Variants in IPP observed in about 807,000 individuals in gnomAD.
IPP encodes the protein intracisternal A particle-promoted polypeptide.
IPP carries 41 observed loss-of-function variants against 64.1 expected under a neutral mutation model. The observed-to-expected ratio is 0.64, with a 90% CI of 0.50 to 0.83. The LOEUF is 0.83. IPP is among the 40% of genes least tolerant of loss of function. The pLI is 0.00. For missense variants in IPP, 649 were observed against 703.0 expected (o/e 0.92, Z 0.87); for synonymous variants, 214 against 235.2 (o/e 0.91, Z 0.83).
intron 3 of IPP, among the ~76,000 whole-genome samples, chr1:45,735,165 C>T (rs1319946123): frequency 6.6e-6 from 1 of 151,944 alleles, no homozygotes; most frequent in East Asian, 1.9e-4. Flanking sequence ...CTCACTGTAA[C>T]CTCAACCTCC....
intron 8 of IPP, 133 bp from the exon 9 acceptor site, chr1:45,700,323 G>C: frequency 1.5e-6 from 2 of 1,301,896 alleles, no homozygotes; most frequent in Admixed American, 2.9e-5. Context: ...TAAGCATACA[G>C]ATTTTTTTTT....
intron 5 of IPP, among the ~76,000 whole-genome samples, chr1:45,725,169 T>A (rs1570003212): frequency 1.3e-5 from 1 of 79,590 alleles, no homozygotes. Context: ...GGGTGGGGGG[T>A]CAGCCCCCCG....
chr1:45,724,192 C>T (rs980408633), intron 5 of IPP, among the ~76,000 whole-genome samples: 3 of 152,138 alleles, frequency 2.0e-5, no homozygotes, highest in Non-Finnish European at 4.4e-5. Context: ...CTGTGTTGGC[C>T]GGGCTGGTCT....
At chr1:45,694,427 A>T (rs1337714609), downstream of IPP, 1 of 1,480,712 alleles carries the variant, frequency 6.8e-7, no homozygotes, top group African/African-American at 1.4e-5. Flanking sequence ...ATTAAAGATT[A>T]AAAATCCCCT....
intron 2 of IPP, among the ~76,000 whole-genome samples, chr1:45,743,589 G>T (rs994977189): frequency 3.3e-5 from 5 of 151,844 alleles, no homozygotes; most frequent in Non-Finnish European, 7.4e-5. Flanking sequence ...GGTGGTGTGT[G>T]TTGTGGTCCT....
intron 2 of IPP, among the ~76,000 whole-genome samples, chr1:45,745,171 T>C (rs1400733233): frequency 6.6e-6 from 1 of 152,152 alleles, no homozygotes; most frequent in Non-Finnish European, 1.5e-5. Context: ...AGTGCTGGGA[T>C]TACAGGCATG....
At chr1:45,743,562 A>T (rs1156488321) in intron 2 of IPP, among the ~76,000 whole-genome samples, 1 of 152,040 alleles carries the variant, frequency 6.6e-6, no homozygotes, top group Non-Finnish European at 1.5e-5. Context: ...AAAAAAATTT[A>T]AAAATTAGCC....
downstream of IPP, chr1:45,698,707 ATT>A (rs764830893): frequency 2.3e-6 from 2 of 865,348 alleles, no homozygotes; most frequent in African/African-American, 4.6e-5. Context: ...AAAAGGAAGA[ATT>A]TTTTTTTCTT....
downstream of IPP, chr1:45,698,707 A>ATT (rs764830893): frequency 6.9e-6 from 6 of 865,968 alleles, no homozygotes; most frequent in East Asian, 1.5e-4. Context: ...AAAAGGAAGA[A>ATT]TTTTTTTTTC....
At position 45,699,228 on chromosome 1, in the gene IPP, C is replaced by G; in HGVS notation, c.*738G>C. On this transcript the variant is annotated 3_prime_UTR_variant, in exon 9 of 9. Transcript: ENST00000396478. Reference sequence around the variant, plus strand: ...GCTAGATATTTCCCAAACACCCCTCCTAGGATATCTGCTGCCAATAAAAAG... The same window carrying G: ...GCTAGATATTTCCCAAACACCCCTCGTAGGATATCTGCTGCCAATAAAAAG... 1 of 985,212 alleles carries G rather than the reference C, an allele frequency of 1.0e-6. No homozygotes were observed. The highest frequency in any genetic ancestry group is 1.2e-6 in the Non-Finnish European group (1 of 829,786). 61.0% of individuals were successfully genotyped at this position (985,212 alleles called of 1,614,324 possible).
chr1:45,727,231 GTAGAGA>G (rs1645840829), intron 5 of IPP, among the ~76,000 whole-genome samples: 1 of 151,824 alleles, frequency 6.6e-6, no homozygotes, highest in Non-Finnish European at 1.5e-5. Flanking sequence ...AAAATTTTTT[GTAGAGA>G]TAAAGTCTCG....
chr1:45,714,960 G>A (rs1468944972), intron 7 of IPP, among the ~76,000 whole-genome samples: 1 of 150,068 alleles, frequency 6.7e-6, no homozygotes, highest in Non-Finnish European at 1.5e-5. Flanking sequence ...ACAGCTGGGT[G>A]TAGTGGTTCA....
At chr1:45,708,101 G>T (rs1365926340) in intron 8 of IPP, among the ~76,000 whole-genome samples, 1 of 149,864 alleles carries the variant, frequency 6.7e-6, no homozygotes, top group Non-Finnish European at 1.5e-5. Flanking sequence ...GTCTCACTCT[G>T]TCGCCCAGGC....
At chr1:45,700,334 CT>C (rs943435303) in intron 8 of IPP, 144 bp from the exon 9 acceptor site, 30 of 1,178,198 alleles carry the variant, frequency 2.5e-5, no homozygotes, top group Non-Finnish European at 3.3e-5. Flanking sequence ...ATTTTTTTTT[CT>C]TTTTTTTGCT....
chr1:45,735,025 C>T (rs190034875), intron 3 of IPP, among the ~76,000 whole-genome samples: 3 of 152,156 alleles, frequency 2.0e-5, no homozygotes, highest in African/African-American at 7.2e-5. Flanking sequence ...GGTGATCTGC[C>T]TGCCTTGGCC....
intron 5 of IPP, among the ~76,000 whole-genome samples, chr1:45,723,690 T>C (rs1252376729): frequency 6.6e-6 from 1 of 152,142 alleles, no homozygotes; most frequent in Admixed American, 6.5e-5. Flanking sequence ...TTCTGAGTTA[T>C]ATACCCTCCA....
At position 45,698,932 on chromosome 1, in the gene IPP, G is replaced by T; in HGVS notation, c.*1034C>A. ...AGACGGAGTCTCATCACGTTGCCCA[G>T]GCTAGTCTCGAACTCCTGAGTTCAA... is the stretch of plus-strand genomic sequence containing the variant. On this transcript the variant is annotated 3_prime_UTR_variant, in exon 9 of 9. Transcript: ENST00000396478. 4.0e-6 allele frequency: 2 copies of T among 505,138 alleles called. No individual in the cohort carries two copies. Among genetic ancestry groups the T allele is most frequent in the Non-Finnish European group, 5.1e-6 (2 of 391,530 alleles). The allele number at this position is 505,138 out of a possible 1,614,324, so 31.3% of individuals were successfully genotyped here.
chr1:45,731,516 G>T (rs115292446), intron 3 of IPP, among the ~76,000 whole-genome samples: 39 of 152,326 alleles, frequency 2.6e-4, no homozygotes, highest in Non-Finnish European at 5.3e-4. Flanking sequence ...CAAAGTAGTT[G>T]TACTAGGTAG....
intron 3 of IPP, among the ~76,000 whole-genome samples, chr1:45,732,650 T>C (rs887345086): frequency 1.4e-5 from 2 of 145,514 alleles, no homozygotes; most frequent in Non-Finnish European, 3.0e-5. Context: ...AAATGAAACA[T>C]TTAAAGTATT....
Sources: gnomAD v4.1 joint callset for allele counts (sites outside exome capture counted in the v4.1 genomes callset) on GRCh38, gnomAD v4.1.1 for gene constraint, MANE v1.5 for transcripts, NCBI Gene and HGNC (gene_info 2026-07-23, HGNC 2026-07-21) for gene names.